The following ACAD9 variants were observed in gnomAD, a reference collection of about 807,000 sequenced individuals.
The protein encoded by ACAD9 is acyl-CoA dehydrogenase family member 9.
A neutral mutation model predicts 70.2 loss-of-function variants in ACAD9; 53 were observed. The ratio of observed to expected loss-of-function variants is 0.75; its 90% CI spans 0.61 to 0.95. The LOEUF is 0.95. Among genes scored for constraint, ACAD9 ranks in the 40% least tolerant of loss-of-function variants. ACAD9 has a pLI of 0.00. For missense variants in ACAD9, 777 were observed against 802.8 expected, an observed-to-expected ratio of 0.97 and a Z score of 0.39; for synonymous variants, 313 against 312.1, an observed-to-expected ratio of 1.00 and a Z score of -0.03.
intron 1 of ACAD9, 90 bp downstream of exon 1, chr3:128,879,931 C>G: frequency 6.2e-7 from 1 of 1,600,094 alleles, no homozygotes; most frequent in Non-Finnish European, 8.5e-7. Flanking sequence ...TGAGATTCCC[C>G]AAACCTGCCA....
At chr3:128,887,644 A>AATAAATAAATATATATATATATAT (rs1436892805) in intron 2 of ACAD9, among the ~76,000 whole-genome samples, 3 of 133,102 alleles carry the variant, frequency 2.3e-5, no homozygotes, top group African/African-American at 8.7e-5. Context: ...AAAATAAATA[A>AATAAATAAATATATATATATATAT]ATATATATAT....
chr3:128,901,322 C>A lies in ACAD9; in HGVS notation c.855C>A (p.Ile285=). The change falls in exon 8 of 18, where the codon ATC becomes ATA. Residue 285 remains isoleucine (I), a synonymous_variant. Transcript: ENST00000308982. ...FENTKIPVEN[I]LGEVGDGFKV... ...ACACCAAGATACCTGTGGAAAACAT[C>A]CTTGGAGAGGTCGGAGATGGGTTTA... The A allele has an allele frequency of 6.2e-7, 1 of 1,614,100 alleles. No individual in the cohort carries two copies. Among genetic ancestry groups the A allele is most frequent in the Non-Finnish European group, 8.5e-7 (1 of 1,179,970 alleles).
chr3:128,912,621 G>A lies in ACAD9; in HGVS notation c.*14G>A, dbSNP rs1239641680. On this transcript the variant is annotated 3_prime_UTR_variant, in exon 18 of 18. Coordinates refer to ENST00000308982, the MANE Select transcript of ACAD9 (RefSeq NM_014049.5). ...AGGACATGCTGAGGCAGGGGACAGT[G>A]TCCCCTGCTACCGCCCGCCCCTACC... The A allele has an allele frequency of 1.2e-6, 2 of 1,609,236 alleles. No individual in the cohort carries two copies. The highest frequency in any genetic ancestry group is 1.7e-6 in the Non-Finnish European group (2 of 1,175,602).
chr3:128,898,482 T>A (rs1257037283), intron 6 of ACAD9: 1 of 442,782 alleles, frequency 2.3e-6, no homozygotes, highest in East Asian at 7.1e-5. Flanking sequence ...CTTGGCTCAC[T>A]GCAGCCTCAA....
Position 128,910,773 on chromosome 3 carries a change from T to C in ACAD9, c.1725T>C (p.Ala575=), listed in dbSNP as rs767137316. The C allele has an allele frequency of 3.1e-6, 5 of 1,614,208 alleles. No individual in the cohort carries two copies. The highest frequency in any genetic ancestry group is 4.2e-6 in the Non-Finnish European group (5 of 1,180,044). ...VLLANTFCVE[A]YLQNLFSLSQ... is the part of the protein sequence containing the mutation. The stretch of plus-strand genomic sequence containing the variant: ...TGGCCAACACCTTCTGCGTGGAAGC[T>C]TACTTGCAGAATCTCTTCAGCCTCT... Residue 575 remains alanine (A), a synonymous_variant, in exon 17 of 18, where the codon GCT becomes GCC. Transcript: ENST00000308982.
At chr3:128,895,437 GT>G in intron 4 of ACAD9, 21 bp downstream of exon 4, 1 of 1,582,250 alleles carries the variant, frequency 6.3e-7, no homozygotes, top group Non-Finnish European at 8.6e-7. Flanking sequence ...TGGGGATTCT[GT>G]GTGGTGCTCT....
At position 128,912,595 on chromosome 3, in the gene ACAD9, C is replaced by A. The variant is rs1276927038; in HGVS notation, c.1854C>A (p.Asp618Glu). The A allele has an allele frequency of 1.2e-6, 2 of 1,613,986 alleles. No homozygotes were observed. Among genetic ancestry groups the A allele is most frequent in the Non-Finnish European group, 1.7e-6 (2 of 1,179,952 alleles). ...CCTATATCTGTGCCCACCCTCTGGA[C>A]AGGACATGCTGAGGCAGGGGACAGT... ...KRAYICAHPLDRTC is the reference protein window; with the variant it reads ...KRAYICAHPLERTC The change falls in exon 18 of 18, where the codon GAC becomes GAA. Residue 618 changes from aspartate (D) to glutamate (E), a missense_variant. Transcript: ENST00000308982.
intron 2 of ACAD9, among the ~76,000 whole-genome samples, chr3:128,887,644 A>AATAAATATATATATAT (rs1436892805): frequency 6.0e-5 from 8 of 133,104 alleles, no homozygotes; most frequent in African/African-American, 2.3e-4. Context: ...AAAATAAATA[A>AATAAATATATATATAT]ATATATATAT....
intron 15 of ACAD9, 28 bp downstream of exon 15, chr3:128,909,449 G>A (rs369609531): frequency 3.9e-5 from 62 of 1,610,322 alleles, no homozygotes; most frequent in Admixed American, 2.5e-4. Flanking sequence ...GGCCTGGGTC[G>A]CAAGCGGTCC....
Position 128,902,457 on chromosome 3 carries a change from G to A in ACAD9, c.883-96G>A, listed in dbSNP as rs112212179. On this transcript the variant is annotated intron_variant, in intron 8 of 17. Transcript: ENST00000308982. This position sits in a 1 kb window ranked among gnomAD's most constrained non-coding sequence, Gnocchi z 4.0. ...TTAGGATGGTGCTTTCTCCCAGCTT[G>A]AGGGAAGGCAAGCTGATCCACCTGG... 6.4e-6 allele frequency: 8 copies of A among 1,242,276 alleles called. No homozygotes were observed. The highest frequency in any genetic ancestry group is 4.4e-5 in the African/African-American group (3 of 67,632). The allele number at this position is 1,242,276 out of a possible 1,614,324, so 77.0% of individuals were successfully genotyped here. A position where few individuals can be genotyped will look rare whatever the true frequency, so the allele number is the denominator to read the frequency against.
At chr3:128,883,750 G>T (rs1409207103) in intron 1 of ACAD9, among the ~76,000 whole-genome samples, 1 of 152,076 alleles carries the variant, frequency 6.6e-6, no homozygotes, top group African/African-American at 2.4e-5. Context: ...TTTAGTTAGG[G>T]ACTCACCTAT....
intron 13 of ACAD9, 26 bp from the exon 14 acceptor site, chr3:128,908,947 G>A: frequency 6.2e-7 from 1 of 1,614,024 alleles, no homozygotes; most frequent in East Asian, 2.2e-5. Context: ...GAGGCCTCCA[G>A]TCACAGGACC....
chr3:128,907,101 A>G (rs963918656), intron 12 of ACAD9, among the ~76,000 whole-genome samples: 9 of 152,072 alleles, frequency 5.9e-5, no homozygotes, highest in Non-Finnish European at 1.0e-4. Context: ...GATGGTGGGC[A>G]TGGGTATACA....
rs555102209 is a variant in ACAD9, at chr3:128,896,656, A to G, written c.554+120A>G. On this transcript the variant is annotated intron_variant, in intron 5 of 17. Transcript: ENST00000308982. ...TTTTCCTTCTTTCCAAAATCTTGCA[A>G]AGAATCAACTCAGCAACTGTTCTTG... 30 of 953,588 alleles carry G rather than the reference A, an allele frequency of 3.1e-5. No homozygotes were observed. The African/African-American group carries it at 4.0e-4, about 13-fold the overall frequency. The allele number at this position is 953,588 out of a possible 1,614,324, so 59.1% of individuals were successfully genotyped here.
chr3:128,894,427 T>TA (rs1340601942), intron 3 of ACAD9, among the ~76,000 whole-genome samples: 1 of 152,142 alleles, frequency 6.6e-6, no homozygotes, highest in Non-Finnish European at 1.5e-5. Flanking sequence ...TGTGTGTAGA[T>TA]ATCTTCATAT....
chr3:128,902,533 T>C lies in ACAD9; in HGVS notation c.883-20T>C. 1 of 1,614,000 alleles carries C rather than the reference T, an allele frequency of 6.2e-7. No homozygotes were observed. The highest frequency in any genetic ancestry group is 8.5e-7 in the Non-Finnish European group (1 of 1,179,900). ...TCTGCCTCCTTCAGGGCCCCTGGGC[T>C]CTCCCTGTTCTCCCTGCAGGTGGCC... On this transcript the variant is annotated intron_variant, in intron 8 of 17. Transcript: ENST00000308982. This position sits in a 1 kb window ranked among gnomAD's most constrained non-coding sequence, Gnocchi z 4.0.
chr3:128,896,992 G>T (rs1935586672), intron 5 of ACAD9, among the ~76,000 whole-genome samples: 2 of 152,128 alleles, frequency 1.3e-5, no homozygotes, highest in African/African-American at 4.8e-5. Context: ...GCTTCACTTT[G>T]CATGAGAACC....
chr3:128,888,426 A>G (rs979209278), intron 2 of ACAD9, among the ~76,000 whole-genome samples: 2 of 152,076 alleles, frequency 1.3e-5, no homozygotes, highest in Non-Finnish European at 2.9e-5. Context: ...TAAAAATATA[A>G]AAATTAACCA....
chr3:128,909,635 AGT>A lies in ACAD9; in HGVS notation c.1563+217_1563+218del, dbSNP rs143672172. 0.046 allele frequency: 28,925 copies of A among 628,668 alleles called. 913 individuals carry two copies. Among genetic ancestry groups the A allele is most frequent in the Non-Finnish European group, 0.058 (20,902 of 358,672 alleles). 38.9% of individuals were successfully genotyped at this position (628,668 alleles called of 1,614,324 possible). A position where few individuals can be genotyped will look rare whatever the true frequency, so the allele number is the denominator to read the frequency against. On this transcript the variant is annotated intron_variant, in intron 15 of 17. Coordinates refer to ENST00000308982, the MANE Select transcript of ACAD9 (RefSeq NM_014049.5). ...TACCCTTGCTGGGTGAGTTTTCTGC[AGT>A]GTTTTTCTGTGCACCTTTCAGGTAG...
Sources: gnomAD v4.1 joint callset for allele counts (sites outside exome capture counted in the v4.1 genomes callset) on GRCh38, gnomAD v4.1.1 for gene constraint, Gnocchi (gnomAD v3.1) non-coding constraint, MANE v1.5 for transcripts, NCBI Gene and HGNC (gene_info 2026-07-23, HGNC 2026-07-21) for gene names.